The following GABRA3 variants were observed in gnomAD, a reference collection of about 807,000 sequenced individuals.
GABRA3 encodes the protein gamma-aminobutyric acid receptor subunit alpha-3.
A neutral mutation model predicts 30.1 loss-of-function variants in GABRA3; 10 were observed. The ratio of observed to expected loss-of-function variants is 0.33; its 90% CI spans 0.20 to 0.56. The LOEUF (loss-of-function observed/expected upper bound fraction) is 0.56. Ranked by LOEUF, GABRA3 falls within the 20% of genes least tolerant of loss-of-function variation. GABRA3 has a pLI of 0.89. For synonymous variants in GABRA3, 151 were observed against 146.8 expected (o/e 1.03, Z -0.21); for missense variants, 233 against 392.0 (o/e 0.59, Z 3.42).
intron 3 of GABRA3, among the ~76,000 whole-genome samples, chrX:152,296,417 C>A (rs1415164464): frequency 1.8e-5 from 2 of 111,882 alleles, no homozygotes; most frequent in Non-Finnish European, 3.8e-5. Flanking sequence ...TTCCCCTTCC[C>A]CTTGCAGTAG....
chrX:152,262,717 A>C (rs1055698655), intron 4 of GABRA3, among the ~76,000 whole-genome samples: 3 of 111,651 alleles, frequency 2.7e-5, no homozygotes, highest in African/African-American at 9.8e-5. Flanking sequence ...AGTCTCTAGA[A>C]AGTTCCAAAC....
chrX:152,325,826 C>T (rs996865635), intron 3 of GABRA3, among the ~76,000 whole-genome samples: 9 of 111,611 alleles, frequency 8.1e-5, no homozygotes, highest in Non-Finnish European at 1.7e-4. Context: ...TCACCAGCAA[C>T]GGAACAAAGC....
chrX:152,346,107 G>C (rs1403354053), intron 2 of GABRA3, among the ~76,000 whole-genome samples: 1 of 111,725 alleles, frequency 9.0e-6, no homozygotes, highest in East Asian at 2.8e-4. Context: ...CTCACTTCTA[G>C]CCCAGAGAAA....
chrX:152,326,159 G>C (rs1345695319), intron 3 of GABRA3, among the ~76,000 whole-genome samples: 1 of 111,122 alleles, frequency 9.0e-6, no homozygotes, highest in Non-Finnish European at 1.9e-5. Flanking sequence ...AGAGAAAAAA[G>C]AGTAAAAAGA....
chrX:152,194,021 T>C (rs1291875300), intron 8 of GABRA3, among the ~76,000 whole-genome samples: 1 of 112,078 alleles, frequency 8.9e-6, no homozygotes, highest in Non-Finnish European at 1.9e-5. Context: ...ATAAATAACG[T>C]TAATTGATAC....
chrX:152,264,794 A>G (rs1265715046), intron 4 of GABRA3, among the ~76,000 whole-genome samples: 1 of 111,472 alleles, frequency 9.0e-6, no homozygotes, highest in Non-Finnish European at 1.9e-5. Flanking sequence ...AAATAAAGGG[A>G]TGGAAAAAGA....
chrX:152,292,453 C>G (rs1232943084), intron 3 of GABRA3, among the ~76,000 whole-genome samples: 1 of 111,006 alleles, frequency 9.0e-6, no homozygotes, highest in Admixed American at 9.6e-5. Flanking sequence ...CTTTATTAGT[C>G]TCGCTAGCGG....
At chrX:152,189,262 G>A (rs890612795) in intron 9 of GABRA3, among the ~76,000 whole-genome samples, 1 of 112,424 alleles carries the variant, frequency 8.9e-6, no homozygotes, top group East Asian at 2.8e-4. Flanking sequence ...CTTGAAGAAT[G>A]AGTAGGTCTT....
chrX:152,306,399 G>A (rs1035940576), intron 3 of GABRA3, among the ~76,000 whole-genome samples: 1 of 112,436 alleles, frequency 8.9e-6, no homozygotes, highest in East Asian at 2.8e-4. Context: ...TCCATTTAGT[G>A]TTTAAAATGT....
intron 1 of GABRA3, among the ~76,000 whole-genome samples, chrX:152,396,525 A>T (rs191620106): frequency 1.9e-3 from 209 of 111,880 alleles, no homozygotes; most frequent in African/African-American, 6.4e-3. Flanking sequence ...AAACCCCTAA[A>T]TATTATCAGG....
chrX:152,409,662 CA>C, intron 1 of GABRA3, among the ~76,000 whole-genome samples: 1 of 111,277 alleles, frequency 9.0e-6, no homozygotes, highest in East Asian at 2.8e-4. Flanking sequence ...CCAAACAACT[CA>C]ATACCAAAAA....
chrX:152,393,357 T>A (rs1929545092), intron 1 of GABRA3: 1 of 314,265 alleles, frequency 3.2e-6, no homozygotes, highest in Admixed American at 4.5e-5. Context: ...GAGTAGAGAG[T>A]CATAGAATAT....
Position 152,167,732 on chromosome X carries a change from ACT to A in GABRA3, c.*494_*495del. The A allele has an allele frequency of 2.4e-5, 3 of 122,812 alleles. No individual in the cohort carries two copies. The highest frequency in any genetic ancestry group is 5.1e-5 in the Non-Finnish European group (3 of 58,857). The allele number at this position is 122,812 out of a possible 1,213,427, so 10.1% of individuals were successfully genotyped here. On this transcript the variant is annotated 3_prime_UTR_variant, in exon 10 of 10. Transcript: ENST00000370314. Reference sequence around the variant, plus strand: ...ACTGGCTCCCACCTTTGCTATCAGTACTTATGCCTAGTAGGCCTTGCTGAAGG... The same window carrying A: ...ACTGGCTCCCACCTTTGCTATCAGTATATGCCTAGTAGGCCTTGCTGAAGG...
chrX:152,268,517 T>A (rs139557411), intron 4 of GABRA3, among the ~76,000 whole-genome samples: 13 of 112,387 alleles, frequency 1.2e-4, no homozygotes, highest in African/African-American at 3.9e-4. Context: ...ACCTCTTTCC[T>A]TTATAAATTA....
intron 9 of GABRA3, among the ~76,000 whole-genome samples, chrX:152,180,460 G>T (rs915512517): frequency 9.0e-6 from 1 of 111,701 alleles, no homozygotes; most frequent in African/African-American, 3.3e-5. Context: ...TTATTAGATG[G>T]TTGGTTTGCA....
intron 5 of GABRA3, among the ~76,000 whole-genome samples, chrX:152,233,352 C>T (rs1452639806): frequency 9.0e-6 from 1 of 111,059 alleles, no homozygotes; most frequent in South Asian, 3.8e-4. Flanking sequence ...GTTGCCATTG[C>T]TTTTGGTGTT....
chrX:152,222,523 C>G (rs1384482779), intron 6 of GABRA3, among the ~76,000 whole-genome samples: 1 of 108,292 alleles, frequency 9.2e-6, no homozygotes, highest in Non-Finnish European at 1.9e-5. Context: ...ACTCTGACGT[C>G]TAAATCACCT....
chrX:152,170,384 G>C (rs1345116831), intron 9 of GABRA3, among the ~76,000 whole-genome samples: 1 of 112,539 alleles, frequency 8.9e-6, no homozygotes, highest in Admixed American at 9.4e-5. Flanking sequence ...TGTAAACATA[G>C]CCCACTACAG....
At chrX:152,237,454 G>C (rs1489644839) in intron 5 of GABRA3, among the ~76,000 whole-genome samples, 1 of 100,977 alleles carries the variant, frequency 9.9e-6, no homozygotes, top group East Asian at 3.3e-4. Context: ...TGTTCTTTTG[G>C]CTTAGGATTG....
Sources: allele counts gnomAD v4.1 joint callset (sites outside exome capture counted in the v4.1 genomes callset), GRCh38; gene constraint gnomAD v4.1.1; transcripts MANE v1.5; gene names NCBI Gene and HGNC (gene_info 2026-07-23, HGNC 2026-07-21).